TMEM44: variants seen among roughly 807,000 people sequenced by gnomAD.
TMEM44 encodes the protein transmembrane protein 44.
Under a neutral mutation model 47.8 loss-of-function variants are expected in TMEM44, and 43 were observed. The observed-to-expected ratio is 0.90, with a 90% CI of 0.70 to 1.16. TMEM44 has a LOEUF of 1.16. Ranked by LOEUF, TMEM44 falls within the 50% of genes most tolerant of loss-of-function variation. The pLI, the probability that TMEM44 is intolerant of heterozygous loss-of-function variation, is 0.00. For synonymous variants in TMEM44, 277 were observed against 238.8 expected (o/e 1.16, Z -1.48); for missense variants, 568 against 555.2 (o/e 1.02, Z -0.23).
intron 1 of TMEM44, among the ~76,000 whole-genome samples, chr3:194,630,788 C>T (rs1296790659): frequency 7.6e-5 from 11 of 145,300 alleles, no homozygotes; most frequent in Non-Finnish European, 1.3e-4. Context: ...AATACGTTGT[C>T]GCACGTGCCT....
At chr3:194,621,359 C>T (rs1716516796) in intron 5 of TMEM44, among the ~76,000 whole-genome samples, 1 of 152,208 alleles carries the variant, frequency 6.6e-6, no homozygotes. Context: ...AGACAATAAA[C>T]TTCTGTTGTT....
chr3:194,599,840 AC>A lies in TMEM44; in HGVS notation c.1176+4446del, dbSNP rs562455689. Among the ~76,000 whole-genome samples the A allele has an allele frequency of 2.5e-3, 366 of 147,638 alleles. 1 individual carries two copies. The highest frequency in any genetic ancestry group is 0.022 in the South Asian group (98 of 4,458). ...AATGGCTCGATCTCGGCTCACTGCA[AC>A]CTCCGCCTCCCGAGTTCAAGTGATT... On this transcript the variant is annotated intron_variant, in intron 9 of 9. Transcript: ENST00000347147.
intron 9 of TMEM44, among the ~76,000 whole-genome samples, chr3:194,595,487 T>C (rs562474982): frequency 6.6e-6 from 1 of 152,180 alleles, no homozygotes; most frequent in Non-Finnish European, 1.5e-5. Context: ...CAGAAACCAT[T>C]TGTCCAACTC....
intron 1 of TMEM44, among the ~76,000 whole-genome samples, chr3:194,631,981 A>C (rs1560208612): frequency 6.6e-6 from 1 of 152,220 alleles, no homozygotes; most frequent in South Asian, 2.1e-4. Context: ...ATGCGTGTCC[A>C]GCGCCTTGTT....
At chr3:194,595,346 T>C (rs967852757) in intron 9 of TMEM44, among the ~76,000 whole-genome samples, 18 of 152,236 alleles carry the variant, frequency 1.2e-4, no homozygotes, top group African/African-American at 3.9e-4. Flanking sequence ...AAGCATCCTA[T>C]AGCCTTTGTC....
intron 7 of TMEM44, among the ~76,000 whole-genome samples, chr3:194,612,755 T>C (rs935135021): frequency 1.1e-4 from 17 of 152,018 alleles, no homozygotes; most frequent in African/African-American, 3.4e-4. Flanking sequence ...AGCTCCGCCT[T>C]CTGGGTTCAC....
intron 8 of TMEM44, among the ~76,000 whole-genome samples, chr3:194,610,313 C>T (rs79334996): frequency 0.033 from 5,011 of 152,126 alleles, 284 homozygotes; most frequent in African/African-American, 0.11. Flanking sequence ...TAAATGGTAC[C>T]AGCATATACC....
At chr3:194,593,566 T>C (rs1461817081) in intron 9 of TMEM44, among the ~76,000 whole-genome samples, 1 of 152,266 alleles carries the variant, frequency 6.6e-6, no homozygotes, top group Middle Eastern at 3.4e-3. Context: ...ACCTCAAATA[T>C]GTCTGACTCA....
At chr3:194,623,472 G>T in intron 4 of TMEM44, 57 bp downstream of exon 4, 1 of 1,530,984 alleles carries the variant, frequency 6.5e-7, no homozygotes, top group East Asian at 2.4e-5. Flanking sequence ...ATCCCACCCT[G>T]GGCATTTGGC....
chr3:194,592,894 T>G, intron 9 of TMEM44: 6 of 934,920 alleles, frequency 6.4e-6, no homozygotes, highest in Non-Finnish European at 8.4e-6. Context: ...ATTACAGGTG[T>G]GAGCCACCGC....
At chr3:194,614,928 A>G (rs1333611308) in intron 7 of TMEM44, among the ~76,000 whole-genome samples, 1 of 152,162 alleles carries the variant, frequency 6.6e-6, no homozygotes, top group Non-Finnish European at 1.5e-5. Flanking sequence ...TTGAACATAG[A>G]CAGTAGCTTT....
rs749875326 is a variant in TMEM44, at chr3:194,615,625, T to C, written c.856A>G (p.Ser286Gly). ...GTCAAAAGGGCTTGGGTGTCAGGGC[T>C]CTCTCTGGCTTCCTTGGCAAATCCT... ...ALGFAKEARE[S>G]PDTQALLTCA... Residue 286 changes from serine (S) to glycine (G), a missense_variant, in exon 7 of 10, where the codon AGC becomes GGC. By Grantham distance (56) the Ser-to-Gly change is moderately conservative (BLOSUM62 0). Transcript: ENST00000347147. 1.2e-6 allele frequency: 2 copies of C among 1,614,124 alleles called. No homozygotes were observed. Among genetic ancestry groups the C allele is most frequent in the Non-Finnish European group, 1.7e-6 (2 of 1,179,992 alleles).
chr3:194,598,263 C>G (rs1713656227), intron 9 of TMEM44, among the ~76,000 whole-genome samples: 1 of 152,162 alleles, frequency 6.6e-6, no homozygotes, highest in Non-Finnish European at 1.5e-5. Flanking sequence ...TCTCAGCCGT[C>G]TCCTGTTCTG....
Position 194,592,233 on chromosome 3 carries a change from A to C in TMEM44, c.1177-3594T>G, listed in dbSNP as rs1414798960. Among the ~76,000 whole-genome samples, 288 of 152,174 alleles carry C rather than the reference A, an allele frequency of 1.9e-3. 1 individual carries two copies. The highest frequency in any genetic ancestry group is 5.2e-3 in the East Asian group (27 of 5,152). On this transcript the variant is annotated intron_variant, in intron 9 of 9. Transcript: ENST00000347147. ...GAGCGAGACTCCGTCTCAAAAAAAA[A>C]AAAAAAAAAATCATTGCTGGAAACC...
At chr3:194,628,739 C>T (rs59364993) in intron 1 of TMEM44, among the ~76,000 whole-genome samples, 4,837 of 152,196 alleles carry the variant, frequency 0.032, 260 homozygotes, top group African/African-American at 0.11. Context: ...GTGAAGACAC[C>T]GCCTCTTTGG....
intron 9 of TMEM44, among the ~76,000 whole-genome samples, chr3:194,603,533 G>A (rs1205113274): frequency 1.3e-5 from 2 of 152,150 alleles, no homozygotes; most frequent in African/African-American, 4.8e-5. Flanking sequence ...AAGTAGCTGG[G>A]ATTACAGGTG....
At chr3:194,595,873 C>T (rs1206267322) in intron 9 of TMEM44, among the ~76,000 whole-genome samples, 3 of 152,152 alleles carry the variant, frequency 2.0e-5, no homozygotes, top group African/African-American at 7.2e-5. Flanking sequence ...GATCTGCCCG[C>T]CTCAGCCTCC....
intron 6 of TMEM44, chr3:194,616,617 T>C (rs1715918419): frequency 6.6e-6 from 3 of 456,570 alleles, no homozygotes; most frequent in Admixed American, 4.7e-5. Flanking sequence ...ATTCCCCTCT[T>C]AGCGCCTGCA....
chr3:194,614,527 C>T (rs1235812058), intron 7 of TMEM44, among the ~76,000 whole-genome samples: 12 of 152,190 alleles, frequency 7.9e-5, no homozygotes, highest in Non-Finnish European at 1.5e-4. Flanking sequence ...CCTCAGCCTC[C>T]TAAGTAGCTG....
Sources: gnomAD v4.1 joint callset for allele counts (sites outside exome capture counted in the v4.1 genomes callset) on GRCh38, gnomAD v4.1.1 for gene constraint, MANE v1.5 for transcripts, NCBI Gene and HGNC (gene_info 2026-07-23, HGNC 2026-07-21) for gene names.